The following LRFN5 variants were observed in gnomAD, a reference collection of about 807,000 sequenced individuals.
LRFN5 encodes the protein leucine rich repeat and fibronectin type III domain containing 5.
LRFN5 carries 24 observed loss-of-function variants against 45.6 expected under a neutral mutation model. The observed-to-expected ratio is 0.53, with a 90% CI of 0.38 to 0.74. The LOEUF (loss-of-function observed/expected upper bound fraction) is 0.74, where lower values mean the gene tolerates loss of function less well. Among genes scored for constraint, LRFN5 ranks in the 30% least tolerant of loss-of-function variants. LRFN5 has a pLI of 0.00. For synonymous variants in LRFN5, 340 were observed against 313.8 expected (o/e 1.08, Z -0.88); for missense variants, 776 against 861.5 (o/e 0.90, Z 1.24).
At chr14:41,674,820 G>T (rs993491537) in intron 1 of LRFN5, among the ~76,000 whole-genome samples, 2 of 151,564 alleles carry the variant, frequency 1.3e-5, no homozygotes, top group African/African-American at 4.8e-5. Flanking sequence ...GCGGCTGCCG[G>T]GAGGAGGGGC....
chr14:41,720,449 A>G (rs905917555), intron 1 of LRFN5, among the ~76,000 whole-genome samples: 8 of 152,104 alleles, frequency 5.3e-5, no homozygotes, highest in African/African-American at 1.7e-4. Flanking sequence ...TTGGATATAT[A>G]CCCAGTAATG....
intron 1 of LRFN5, among the ~76,000 whole-genome samples, chr14:41,720,303 T>C (rs2138767936): frequency 6.6e-6 from 1 of 152,244 alleles, no homozygotes; most frequent in Non-Finnish European, 1.5e-5. Flanking sequence ...TTCCATGATG[T>C]ATATGTACCA....
chr14:41,774,863 C>A (rs1427463589), intron 2 of LRFN5, among the ~76,000 whole-genome samples: 1 of 152,098 alleles, frequency 6.6e-6, no homozygotes, highest in East Asian at 1.9e-4. Flanking sequence ...CTAACAATAA[C>A]CTCTTTCATC....
intron 1 of LRFN5, among the ~76,000 whole-genome samples, chr14:41,731,563 G>C (rs1213277075): frequency 2.6e-5 from 4 of 152,040 alleles, no homozygotes. Context: ...ATGCAGTCTT[G>C]CATCAGATAG....
At chr14:41,760,183 C>T (rs539201838) in intron 1 of LRFN5, among the ~76,000 whole-genome samples, 117 of 152,284 alleles carry the variant, frequency 7.7e-4, no homozygotes, top group Non-Finnish European at 1.5e-3. Context: ...GTTCAGTTAA[C>T]ATGATACATT....
At chr14:41,816,189 TATA>T (rs1342410310) in intron 2 of LRFN5, among the ~76,000 whole-genome samples, 2 of 152,164 alleles carry the variant, frequency 1.3e-5, no homozygotes, top group Non-Finnish European at 2.9e-5. Context: ...GTGAGTTTTT[TATA>T]ATGACAAAAT....
At chr14:41,822,903 T>C (rs2139016995) in intron 2 of LRFN5, among the ~76,000 whole-genome samples, 1 of 150,758 alleles carries the variant, frequency 6.6e-6, no homozygotes, top group Admixed American at 6.6e-5. Context: ...TATAATTATC[T>C]TCTGTGTCTT....
chr14:41,758,943 C>T (rs1209354779), intron 1 of LRFN5, among the ~76,000 whole-genome samples: 1 of 152,126 alleles, frequency 6.6e-6, no homozygotes, highest in Non-Finnish European at 1.5e-5. Flanking sequence ...GATTTTTCCT[C>T]ATTTGCAGTT....
At chr14:41,680,149 C>G (rs1180303632) in intron 1 of LRFN5, among the ~76,000 whole-genome samples, 1 of 152,174 alleles carries the variant, frequency 6.6e-6, no homozygotes, top group Admixed American at 6.5e-5. Context: ...GCTCTGGATT[C>G]TGGACAACAT....
At chr14:41,807,575 C>T (rs770541342) in intron 2 of LRFN5, among the ~76,000 whole-genome samples, 2 of 152,062 alleles carry the variant, frequency 1.3e-5, no homozygotes, top group Non-Finnish European at 2.9e-5. Context: ...GATTTGAATG[C>T]TCTTTGCAAG....
intron 1 of LRFN5, among the ~76,000 whole-genome samples, chr14:41,652,288 A>C (rs999096061): frequency 6.6e-6 from 1 of 152,144 alleles, no homozygotes; most frequent in Non-Finnish European, 1.5e-5. Context: ...TTTCTATGAT[A>C]TTCCTAGAAG....
At chr14:41,665,602 C>T (rs1454916822) in intron 1 of LRFN5, among the ~76,000 whole-genome samples, 1 of 152,006 alleles carries the variant, frequency 6.6e-6, no homozygotes, top group African/African-American at 2.4e-5. Context: ...TTTCAGCTCA[C>T]GAACAAGTAA....
intron 1 of LRFN5, among the ~76,000 whole-genome samples, chr14:41,757,758 A>G (rs970472977): frequency 1.3e-5 from 2 of 152,136 alleles, no homozygotes; most frequent in African/African-American, 2.4e-5. Context: ...CGCTGCACCC[A>G]CTGTACTGCA....
intron 2 of LRFN5, among the ~76,000 whole-genome samples, chr14:41,827,179 G>C (rs1245744909): frequency 6.6e-6 from 1 of 151,970 alleles, no homozygotes; most frequent in Non-Finnish European, 1.5e-5. Context: ...CATATACTTT[G>C]TTTCCTTTCA....
At chr14:41,653,356 G>A (rs1430728536) in intron 1 of LRFN5, among the ~76,000 whole-genome samples, 1 of 152,026 alleles carries the variant, frequency 6.6e-6, no homozygotes, top group Non-Finnish European at 1.5e-5. Flanking sequence ...GTAAGGTAGG[G>A]TTCAGTTTCA....
At chr14:41,760,890 G>T (rs1193171706) in intron 1 of LRFN5, among the ~76,000 whole-genome samples, 1 of 152,060 alleles carries the variant, frequency 6.6e-6, no homozygotes, top group African/African-American at 2.4e-5. Context: ...ACACTAACAC[G>T]GAGATTTGCT....
At chr14:41,741,555 C>A (rs1023571763) in intron 1 of LRFN5, among the ~76,000 whole-genome samples, 1 of 151,490 alleles carries the variant, frequency 6.6e-6, no homozygotes, top group Non-Finnish European at 1.5e-5. Context: ...TCAAAACGGA[C>A]AAAAGACCAA....
chr14:41,685,578 T>C (rs1882082361), intron 1 of LRFN5, among the ~76,000 whole-genome samples: 1 of 152,196 alleles, frequency 6.6e-6, no homozygotes, highest in South Asian at 2.1e-4. Flanking sequence ...GGTTTTCTTC[T>C]AAGGTTTTTA....
intron 1 of LRFN5, among the ~76,000 whole-genome samples, chr14:41,637,064 C>T (rs190626371): frequency 4.7e-4 from 71 of 152,268 alleles, no homozygotes; most frequent in African/African-American, 1.6e-3. Flanking sequence ...GAGACATGAA[C>T]AAGGCTTGAA....
Sources: gnomAD v4.1 joint callset for allele counts (sites outside exome capture counted in the v4.1 genomes callset) on GRCh38, gnomAD v4.1.1 for gene constraint, MANE v1.5 for transcripts, NCBI Gene and HGNC (gene_info 2026-07-23, HGNC 2026-07-21) for gene names.